Variants in FCHSD2 observed in about 807,000 individuals in gnomAD.
FCHSD2 encodes the protein F-BAR and double SH3 domains protein 2.
FCHSD2 carries 38 observed loss-of-function variants against 108.1 expected under a neutral mutation model. The ratio of observed to expected loss-of-function variants is 0.35; its 90% confidence interval spans 0.27 to 0.46. The LOEUF is 0.46. FCHSD2 is among the 20% of genes least tolerant of loss of function. FCHSD2 has a pLI of 1.00. For synonymous variants in FCHSD2, 279 were observed against 314.7 expected (o/e 0.89, Z 1.20); for missense variants, 751 against 897.8 (o/e 0.84, Z 2.09).
At position 72,932,732 on chromosome 11, in the gene FCHSD2, A is replaced by G. The variant is rs144913712; in HGVS notation, c.706-10782T>C. Reference sequence around the variant, plus strand: ...CCTCATACTGGTGATATTTGTTTGTATGTCCCTCTTTTTGTTTAAGTTCCA... The same window carrying G: ...CCTCATACTGGTGATATTTGTTTGTGTGTCCCTCTTTTTGTTTAAGTTCCA... On this transcript the variant is annotated intron_variant, in intron 8 of 19. Transcript: ENST00000409418. 2.2e-4 allele frequency among the ~76,000 whole-genome samples: 33 copies of G among 152,234 alleles called. No homozygotes were observed. The East Asian group carries it at 6.4e-3, about 29-fold the overall frequency.
intron 8 of FCHSD2, among the ~76,000 whole-genome samples, chr11:72,982,618 G>A (rs952301658): frequency 6.6e-5 from 10 of 152,148 alleles, no homozygotes; most frequent in African/African-American, 2.4e-4. Flanking sequence ...TTATTTCAGT[G>A]AAAGTTAAAG....
chr11:72,999,660 G>A (rs927178758), intron 5 of FCHSD2, among the ~76,000 whole-genome samples: 8 of 151,960 alleles, frequency 5.3e-5, no homozygotes, highest in Non-Finnish European at 1.2e-4. Context: ...GTTAAATTCA[G>A]GTCTGAGATT....
intron 2 of FCHSD2, among the ~76,000 whole-genome samples, chr11:73,108,837 C>T (rs1385276150): frequency 6.6e-6 from 1 of 152,228 alleles, no homozygotes; most frequent in Non-Finnish European, 1.5e-5. Context: ...TCCCAAAGTG[C>T]TGGGATTACA....
At chr11:73,091,577 A>G (rs1859959320) in intron 2 of FCHSD2, among the ~76,000 whole-genome samples, 1 of 151,942 alleles carries the variant, frequency 6.6e-6, no homozygotes, top group Non-Finnish European at 1.5e-5. Flanking sequence ...AAGAAAGCAA[A>G]TATCACTTCC....
At chr11:73,134,377 G>A (rs1473825030) in intron 2 of FCHSD2, among the ~76,000 whole-genome samples, 1 of 152,084 alleles carries the variant, frequency 6.6e-6, no homozygotes, top group Non-Finnish European at 1.5e-5. Context: ...GGCTGAGGTA[G>A]AAGGATCACT....
At chr11:72,850,116 T>C (rs1171995642) in intron 13 of FCHSD2, among the ~76,000 whole-genome samples, 1 of 136,782 alleles carries the variant, frequency 7.3e-6, no homozygotes. Context: ...CCGGCTGGAC[T>C]GCAATGGCGT....
chr11:72,950,107 T>A (rs1324615299), intron 8 of FCHSD2, among the ~76,000 whole-genome samples: 1 of 152,212 alleles, frequency 6.6e-6, no homozygotes, highest in African/African-American at 2.4e-5. Flanking sequence ...GTGATTTTGA[T>A]TTGCATATTC....
chr11:73,141,708 C>A (rs754672803), intron 1 of FCHSD2, 149 bp downstream of exon 1: 2 of 810,640 alleles, frequency 2.5e-6, no homozygotes, highest in Non-Finnish European at 3.7e-6. Flanking sequence ...GCGCGCCCCC[C>A]ACCTGGAGCC....
chr11:72,904,078 G>T (rs1049761744), intron 9 of FCHSD2, among the ~76,000 whole-genome samples: 1 of 152,188 alleles, frequency 6.6e-6, no homozygotes, highest in Non-Finnish European at 1.5e-5. Context: ...TGTGTAAAGG[G>T]TACGAGAAGA....
At position 72,941,220 on chromosome 11, in the gene FCHSD2, CAT is replaced by C. The variant is rs34907660; in HGVS notation, c.706-19272_706-19271del. The C allele has an allele frequency of 4.8e-3, 1,283 of 266,916 alleles. 14 individuals are homozygous for C. Among genetic ancestry groups the C allele is most frequent in the African/African-American group, 0.026 (1,194 of 45,482 alleles). 16.5% of individuals were successfully genotyped at this position (266,916 alleles called of 1,614,324 possible). A position where few individuals can be genotyped will look rare whatever the true frequency, so the allele number is the denominator to read the frequency against. ...TTCTCCTTCAAGGGACCAGAGGCCA[CAT>C]GAGTCTTGTTCACTATGTGTCCCCA... is the stretch of plus-strand genomic sequence containing the variant. On this transcript the variant is annotated intron_variant, in intron 8 of 19. Coordinates refer to ENST00000409418, the MANE Select transcript of FCHSD2 (RefSeq NM_014824.3).
At chr11:72,943,480 T>C (rs1856460678) in intron 8 of FCHSD2, among the ~76,000 whole-genome samples, 1 of 152,134 alleles carries the variant, frequency 6.6e-6, no homozygotes, top group East Asian at 1.9e-4. Context: ...ATATGGATTA[T>C]GGGAAAACAG....
intron 3 of FCHSD2, among the ~76,000 whole-genome samples, chr11:73,081,412 T>A (rs1357600720): frequency 6.6e-6 from 1 of 152,158 alleles, no homozygotes; most frequent in Non-Finnish European, 1.5e-5. Context: ...CCAGCCTGGG[T>A]GACAGAGTGA....
In FCHSD2 at chr11:73,089,506, T is replaced by C. The variant is rs12801447; in HGVS notation, c.120-5766A>G. On this transcript the variant is annotated intron_variant, in intron 2 of 19. Coordinates refer to ENST00000409418, the MANE Select transcript of FCHSD2 (RefSeq NM_014824.3). ...TGAATGTTCACAGCAGCATTATTCA[T>C]AATATCCAAACAGTACAAACAACCC... Among the ~76,000 whole-genome samples, 989 of 152,348 alleles carry C rather than the reference T, an allele frequency of 6.5e-3. 7 individuals are homozygous for C. The highest frequency in any genetic ancestry group is 0.011 in the Non-Finnish European group (735 of 68,024).
intron 3 of FCHSD2, among the ~76,000 whole-genome samples, chr11:73,048,155 A>G (rs1858811738): frequency 6.6e-6 from 1 of 152,236 alleles, no homozygotes; most frequent in Non-Finnish European, 1.5e-5. Flanking sequence ...AACTGCAAAA[A>G]GTAAAAATCT....
Position 72,954,196 on chromosome 11 carries a change from A to AATTTTTTTTTTTTTTTTT in FCHSD2, c.705+29891_705+29892insAAAAAAAAAAAAAAAAAT, listed in dbSNP as rs1565339614. 1.4e-4 allele frequency among the ~76,000 whole-genome samples: 16 copies of AATTTTTTTTTTTTTTTTT among 111,702 alleles called. 6 individuals carry two copies. Among genetic ancestry groups the AATTTTTTTTTTTTTTTTT allele is most frequent in the Non-Finnish European group, 1.8e-4 (10 of 55,680 alleles). The allele number at this position is 111,702 out of a possible 152,430, so 73.3% of individuals were successfully genotyped here. The stretch of plus-strand genomic sequence containing the variant: ...TAGAATATTAGCAGTAGATGTGGGG[A>AATTTTTTTTTTTTTTTTT]TTTTTTTTTTTTTTTTTTTTTTTTT... On this transcript the variant is annotated intron_variant, in intron 8 of 19. Transcript: ENST00000409418.
At chr11:73,046,566 A>G (rs1858771603) in intron 3 of FCHSD2, among the ~76,000 whole-genome samples, 1 of 152,246 alleles carries the variant, frequency 6.6e-6, no homozygotes, top group South Asian at 2.1e-4. Flanking sequence ...AAATTGGTGT[A>G]GCATTTTAAA....
intron 13 of FCHSD2, among the ~76,000 whole-genome samples, chr11:72,860,552 C>A (rs1861544135): frequency 6.6e-6 from 1 of 152,032 alleles, no homozygotes; most frequent in Non-Finnish European, 1.5e-5. Flanking sequence ...GAAATTAAAA[C>A]ATAAATTAGA....
At chr11:72,911,532 G>A (rs1436355664) in intron 9 of FCHSD2, among the ~76,000 whole-genome samples, 2 of 152,158 alleles carry the variant, frequency 1.3e-5, no homozygotes, top group African/African-American at 4.8e-5. Flanking sequence ...AATGGCACTG[G>A]TATTTTGAAA....
intron 3 of FCHSD2, among the ~76,000 whole-genome samples, chr11:73,018,743 C>T (rs748617827): frequency 3.3e-4 from 50 of 152,044 alleles, no homozygotes; most frequent in Non-Finnish European, 1.3e-4. Context: ...TTTTTAATAA[C>T]TGTATCAGAT....
Sources: gnomAD v4.1 joint callset for allele counts (sites outside exome capture counted in the v4.1 genomes callset) on GRCh38, gnomAD v4.1.1 for gene constraint, MANE v1.5 for transcripts, NCBI Gene and HGNC (gene_info 2026-07-23, HGNC 2026-07-21) for gene names.